The following CMTM8 variants were observed in gnomAD, a reference collection of about 807,000 sequenced individuals.
The protein encoded by CMTM8 is CKLF like MARVEL transmembrane domain containing 8.
Under a neutral mutation model 18.6 loss-of-function variants are expected in CMTM8, and 12 were observed. The ratio of observed to expected loss-of-function variants is 0.65; its 90% CI spans 0.41 to 1.05. CMTM8 has a LOEUF of 1.05. Among genes scored for constraint, CMTM8 ranks in the 50% least tolerant of loss-of-function variants. The pLI, the probability that CMTM8 is intolerant of heterozygous loss-of-function variation, is 0.00. For synonymous variants in CMTM8, 87 were observed against 90.6 expected (o/e 0.96, Z 0.23); for missense variants, 217 against 227.2 (o/e 0.95, Z 0.29).
intron 1 of CMTM8, among the ~76,000 whole-genome samples, chr3:32,249,335 T>TG (rs772672906): frequency 6.7e-6 from 1 of 149,808 alleles, no homozygotes; most frequent in Non-Finnish European, 1.5e-5. Flanking sequence ...GAGGCTGAAG[T>TG]GGGGGGATCA....
intron 1 of CMTM8, among the ~76,000 whole-genome samples, chr3:32,273,291 G>T (rs1439835755): frequency 6.6e-6 from 1 of 151,776 alleles, no homozygotes; most frequent in African/African-American, 2.4e-5. Context: ...TGCTGAGCTG[G>T]CATGAAAAGA....
chr3:32,279,293 T>G (rs1292225113), intron 1 of CMTM8, among the ~76,000 whole-genome samples: 1 of 144,874 alleles, frequency 6.9e-6, no homozygotes, highest in East Asian at 2.0e-4. Flanking sequence ...GTGTCATCTA[T>G]CATTAGGTAT....
intron 1 of CMTM8, among the ~76,000 whole-genome samples, chr3:32,355,548 A>G (rs1010226096): frequency 6.6e-6 from 1 of 152,094 alleles, no homozygotes; most frequent in Non-Finnish European, 1.5e-5. Context: ...GGATTATTGC[A>G]CGCTCTCTAA....
chr3:32,312,304 T>C (rs959850320), intron 1 of CMTM8, among the ~76,000 whole-genome samples: 12 of 152,280 alleles, frequency 7.9e-5, no homozygotes, highest in African/African-American at 2.9e-4. Flanking sequence ...ATAAAAAGTT[T>C]CTTTTCTTTC....
At chr3:32,362,186 G>A (rs1217502804) in intron 2 of CMTM8, among the ~76,000 whole-genome samples, 6 of 151,620 alleles carry the variant, frequency 4.0e-5, no homozygotes, top group South Asian at 4.2e-4. Flanking sequence ...GATTACAGGC[G>A]CTCACCACCA....
chr3:32,269,448 G>A (rs1220700314), intron 1 of CMTM8, among the ~76,000 whole-genome samples: 1 of 152,140 alleles, frequency 6.6e-6, no homozygotes, highest in Non-Finnish European at 1.5e-5. Flanking sequence ...ATACCTCCCT[G>A]GGAAGCTAAT....
chr3:32,333,367 T>C (rs2125585043), intron 1 of CMTM8, among the ~76,000 whole-genome samples: 1 of 152,318 alleles, frequency 6.6e-6, no homozygotes, highest in African/African-American at 2.4e-5. Flanking sequence ...CTCAGTATGT[T>C]CTGTGGACCA....
intron 1 of CMTM8, among the ~76,000 whole-genome samples, chr3:32,304,650 G>A (rs910012368): frequency 6.6e-6 from 1 of 152,226 alleles, no homozygotes; most frequent in Non-Finnish European, 1.5e-5. Flanking sequence ...CGAAGGTCCA[G>A]ATGAGGTTAT....
chr3:32,350,224 G>A (rs749569484), intron 1 of CMTM8, among the ~76,000 whole-genome samples: 2 of 151,980 alleles, frequency 1.3e-5, no homozygotes, highest in Non-Finnish European at 2.9e-5. Context: ...TTTGCTTCCT[G>A]TCCTAGAGCT....
intron 1 of CMTM8, among the ~76,000 whole-genome samples, chr3:32,325,734 G>A (rs1696137471): frequency 6.6e-6 from 1 of 152,196 alleles, no homozygotes; most frequent in African/African-American, 2.4e-5. Flanking sequence ...CTGTGACAGT[G>A]CTTCTTCCCT....
At chr3:32,257,006 A>G (rs1327879273) in intron 1 of CMTM8, among the ~76,000 whole-genome samples, 2 of 152,116 alleles carry the variant, frequency 1.3e-5, no homozygotes, top group African/African-American at 4.8e-5. Context: ...TCAGGGATCT[A>G]TGGTGATATC....
intron 1 of CMTM8, among the ~76,000 whole-genome samples, chr3:32,356,766 G>A (rs1696822045): frequency 6.6e-6 from 1 of 152,146 alleles, no homozygotes; most frequent in African/African-American, 2.4e-5. Context: ...ATACCAGCCT[G>A]GGAGCAAATT....
chr3:32,282,485 T>C (rs1420489364), intron 1 of CMTM8, among the ~76,000 whole-genome samples: 1 of 151,696 alleles, frequency 6.6e-6, no homozygotes, highest in African/African-American at 2.4e-5. Flanking sequence ...AGAAAAAAAT[T>C]AAAAAAATAT....
At chr3:32,309,300 ATTTTTTTTTTTTT>A (rs4038996) in intron 1 of CMTM8, among the ~76,000 whole-genome samples, 1 of 96,436 alleles carries the variant, frequency 1.0e-5, no homozygotes, top group Non-Finnish European at 2.0e-5. Flanking sequence ...CAATTTACCA[ATTTTTTTTTTTTT>A]TTTTTTTTTT....
intron 1 of CMTM8, among the ~76,000 whole-genome samples, chr3:32,300,220 G>A (rs925474937): frequency 2.0e-5 from 3 of 152,178 alleles, no homozygotes; most frequent in African/African-American, 7.2e-5. Flanking sequence ...GCTGAGCGGG[G>A]GAACCCAGCA....
intron 1 of CMTM8, among the ~76,000 whole-genome samples, chr3:32,271,957 A>G (rs1198586916): frequency 6.6e-6 from 1 of 152,172 alleles, no homozygotes; most frequent in Non-Finnish European, 1.5e-5. Context: ...TTACATAGTC[A>G]ACAATTTAGC....
chr3:32,338,278 G>A (rs1022971027), intron 1 of CMTM8, among the ~76,000 whole-genome samples: 8 of 152,126 alleles, frequency 5.3e-5, no homozygotes, highest in Admixed American at 3.9e-4. Context: ...CACCGTGCCC[G>A]GCCTGGCCTT....
chr3:32,352,727 T>G (rs1353767317), intron 1 of CMTM8, among the ~76,000 whole-genome samples: 1 of 152,160 alleles, frequency 6.6e-6, no homozygotes, highest in Non-Finnish European at 1.5e-5. Context: ...GGTTTTCAGG[T>G]GCTGGCAGTG....
chr3:32,357,266 G>T, intron 1 of CMTM8, 107 bp from the exon 2 acceptor site: 2 of 895,900 alleles, frequency 2.2e-6, no homozygotes, highest in Admixed American at 2.3e-5. Context: ...TAAATAAGTT[G>T]TAATTGACAT....
Sources: allele counts gnomAD v4.1 joint callset (sites outside exome capture counted in the v4.1 genomes callset), GRCh38; gene constraint gnomAD v4.1.1; transcripts MANE v1.5; gene names NCBI Gene and HGNC (gene_info 2026-07-23, HGNC 2026-07-21).